Variants in SORBS2 observed in about 807,000 individuals in gnomAD.
The protein encoded by SORBS2 is sorbin and SH3 domain-containing protein 2.
Under a neutral mutation model 97.7 loss-of-function variants are expected in SORBS2, and 46 were observed. The ratio of observed to expected loss-of-function variants is 0.47; its 90% CI spans 0.37 to 0.60. SORBS2 has a LOEUF of 0.60. SORBS2 is among the 20% of genes least tolerant of loss of function. SORBS2 has a pLI of 0.00. For missense variants in SORBS2, 1,316 were observed against 1,282.3 expected (o/e 1.03, Z -0.40); for synonymous variants, 476 against 473.4 (o/e 1.01, Z -0.07).
chr4:185,659,557 C>T (rs1357354543), upstream of SORBS2, among the ~76,000 whole-genome samples: 1 of 151,576 alleles, frequency 6.6e-6, no homozygotes, highest in Admixed American at 6.6e-5. Flanking sequence ...GCTGGGACTA[C>T]AGGTGCCCGC....
rs187774243 is a variant in SORBS2 at position 185,669,885 on chromosome 4, T to C, written c.-45-7643A>G. On this transcript the variant is annotated intron_variant, in intron 4 of 20. Transcript: ENST00000284776. ...TGTTTGACAATTTCCAATTAACTGA[T>C]GGCCATCTTAAATAATTTGTAATTA... Among the ~76,000 whole-genome samples the C allele has an allele frequency of 1.2e-3, 188 of 152,286 alleles. 2 individuals carry two copies. The Middle Eastern group carries it at 0.014, about 11-fold the overall frequency.
chr4:185,817,695 A>T (rs2099194128), intron 1 of SORBS2, among the ~76,000 whole-genome samples: 2 of 152,258 alleles, frequency 1.3e-5, no homozygotes, highest in African/African-American at 4.8e-5. Context: ...CCTGGCAAGA[A>T]GGATTTTAAA....
chr4:185,755,521 A>G (rs191250623), intron 2 of SORBS2, among the ~76,000 whole-genome samples: 12 of 152,290 alleles, frequency 7.9e-5, no homozygotes, highest in Non-Finnish European at 1.6e-4. Context: ...AAAATACACA[A>G]CTTGAAAGTT....
At chr4:185,626,261 T>G (rs1424077780) in intron 6 of SORBS2, among the ~76,000 whole-genome samples, 1 of 152,240 alleles carries the variant, frequency 6.6e-6, no homozygotes, top group African/African-American at 2.4e-5. Flanking sequence ...TGAGCTGCTG[T>G]GAATTGACCA....
chr4:185,893,373 T>C (rs796438684), intron 1 of SORBS2, among the ~76,000 whole-genome samples: 12 of 152,308 alleles, frequency 7.9e-5, no homozygotes, highest in African/African-American at 2.6e-4. Flanking sequence ...GCAAAGGCTC[T>C]GGGAGCTGCT....
chr4:185,673,143 G>C (rs1202172356), intron 4 of SORBS2, among the ~76,000 whole-genome samples: 1 of 152,212 alleles, frequency 6.6e-6, no homozygotes, highest in South Asian at 2.1e-4. Context: ...GCAGAGAGTA[G>C]ACTGGTGGTT....
intron 2 of SORBS2, among the ~76,000 whole-genome samples, chr4:185,768,276 A>G (rs1027933296): frequency 2.0e-5 from 3 of 152,218 alleles, no homozygotes; most frequent in South Asian, 2.1e-4. Flanking sequence ...GACTGATCAC[A>G]TTTTAAATAA....
chr4:185,772,831 A>T (rs554982131), intron 2 of SORBS2: 2 of 152,326 alleles, frequency 1.3e-5, no homozygotes, highest in East Asian at 3.9e-4. Context: ...CCTCAAAGTC[A>T]CCAGAAGTCA....
intron 2 of SORBS2, among the ~76,000 whole-genome samples, chr4:185,757,759 A>G (rs1215637927): frequency 6.6e-6 from 1 of 152,248 alleles, no homozygotes; most frequent in Non-Finnish European, 1.5e-5. Context: ...GGTATACATT[A>G]GTTCAGCAAT....
chr4:185,587,414 T>C (rs901105665), exon 15 of SORBS2: 3 of 548,408 alleles, frequency 5.5e-6, no homozygotes, highest in Middle Eastern at 5.0e-4. Flanking sequence ...GAAGTAGGAA[T>C]CCACACTTTC....
intron 1 of SORBS2, among the ~76,000 whole-genome samples, chr4:185,781,742 T>C (rs1202970395): frequency 1.3e-5 from 2 of 152,222 alleles, no homozygotes; most frequent in Admixed American, 6.5e-5. Flanking sequence ...CTGTGCCTCA[T>C]CCAGGGCCCT....
intron 2 of SORBS2, among the ~76,000 whole-genome samples, chr4:185,718,319 T>G (rs1397435503): frequency 1.3e-5 from 2 of 152,212 alleles, no homozygotes; most frequent in East Asian, 3.8e-4. Flanking sequence ...ATTTTCATTA[T>G]TATTATTAGC....
chr4:185,831,989 A>G (rs1579111198), intron 1 of SORBS2, among the ~76,000 whole-genome samples: 1 of 152,326 alleles, frequency 6.6e-6, no homozygotes, highest in East Asian at 1.9e-4. Context: ...TGTTCAATAA[A>G]TGTTAAATAG....
At chr4:185,643,830 T>C (rs1313487337) in intron 4 of SORBS2, among the ~76,000 whole-genome samples, 1 of 152,126 alleles carries the variant, frequency 6.6e-6, no homozygotes, top group Non-Finnish European at 1.5e-5. Context: ...TCAAAAGACA[T>C]GAGAATGCAT....
intron 1 of SORBS2, among the ~76,000 whole-genome samples, chr4:185,806,526 C>T (rs1396137804): frequency 1.4e-5 from 2 of 138,432 alleles, no homozygotes; most frequent in African/African-American, 2.7e-5. Context: ...GGCGGGATCT[C>T]GGCTCACTGC....
At chr4:185,702,082 T>C (rs2098271354) in intron 2 of SORBS2, among the ~76,000 whole-genome samples, 1 of 152,202 alleles carries the variant, frequency 6.6e-6, no homozygotes, top group African/African-American at 2.4e-5. Flanking sequence ...AATTTCTTTT[T>C]TGTGGGAGAA....
intron 1 of SORBS2, among the ~76,000 whole-genome samples, chr4:185,799,221 C>A (rs2099119356): frequency 6.6e-6 from 1 of 152,098 alleles, no homozygotes; most frequent in African/African-American, 2.4e-5. Flanking sequence ...GAGCCTTCCA[C>A]CAAGAAGAGC....
intron 1 of SORBS2, among the ~76,000 whole-genome samples, chr4:185,868,225 T>C (rs34190647): frequency 0.28 from 39,902 of 141,870 alleles, 5,852 homozygotes; most frequent in East Asian, 0.54. Flanking sequence ...GGCACGATCT[T>C]GGCTCACTGC....
At chr4:185,865,728 T>C (rs1039700613) in intron 1 of SORBS2, among the ~76,000 whole-genome samples, 1 of 152,214 alleles carries the variant, frequency 6.6e-6, no homozygotes, top group Non-Finnish European at 1.5e-5. Flanking sequence ...TCCTCGATAA[T>C]GTGACCTCTG....
Sources: gnomAD v4.1 joint callset for allele counts (sites outside exome capture counted in the v4.1 genomes callset) on GRCh38, gnomAD v4.1.1 for gene constraint, MANE v1.5 for transcripts, NCBI Gene and HGNC (gene_info 2026-07-23, HGNC 2026-07-21) for gene names.